GATAD2B: variants seen among roughly 807,000 people sequenced by gnomAD.
GATAD2B encodes the protein GATA zinc finger domain containing 2B.
GATAD2B carries 8 observed loss-of-function variants against 64.3 expected under a neutral mutation model. That is an observed-to-expected ratio of 0.12 (90% CI 0.07 to 0.22). The LOEUF (loss-of-function observed/expected upper bound fraction) is 0.22, where lower values mean the gene tolerates loss of function less well. GATAD2B is among the 10% of genes least tolerant of loss of function. The pLI, the probability that GATAD2B is intolerant of heterozygous loss-of-function variation, is 1.00. For synonymous variants in GATAD2B, 281 were observed against 271.3 expected, an observed-to-expected ratio of 1.04 and a Z score of -0.35; for missense variants, 453 against 752.0, an observed-to-expected ratio of 0.60 and a Z score of 4.65.
intron 1 of GATAD2B, among the ~76,000 whole-genome samples, chr1:153,864,975 C>T (rs1676426613): frequency 6.6e-6 from 1 of 152,164 alleles, no homozygotes; most frequent in Non-Finnish European, 1.5e-5. Flanking sequence ...GAGGCTGTGA[C>T]AGGAGAATTG....
intron 1 of GATAD2B, among the ~76,000 whole-genome samples, chr1:153,878,630 T>C (rs12041920): frequency 0.29 from 44,102 of 151,956 alleles, 6,647 homozygotes; most frequent in Admixed American, 0.39. Context: ...TGCAACCTGA[T>C]AAAAACTCTT....
chr1:153,913,845 G>C (rs537304615), intron 1 of GATAD2B, among the ~76,000 whole-genome samples: 6 of 151,768 alleles, frequency 4.0e-5, no homozygotes, highest in African/African-American at 1.5e-4. Flanking sequence ...GCGTGAACCC[G>C]GGAGGCAGAG....
At chr1:153,887,008 G>A (rs937025012) in intron 1 of GATAD2B, among the ~76,000 whole-genome samples, 3 of 152,060 alleles carry the variant, frequency 2.0e-5, no homozygotes, top group South Asian at 2.1e-4. Context: ...TTATAGTCCT[G>A]TCTGCTTTGA....
chr1:153,897,997 A>C (rs537277505), intron 1 of GATAD2B, among the ~76,000 whole-genome samples: 17 of 137,364 alleles, frequency 1.2e-4, no homozygotes, highest in South Asian at 4.8e-4. Context: ...AAACAGAAAA[A>C]AAAAAACAAA....
At chr1:153,860,846 C>G (rs1279924130) in intron 1 of GATAD2B, among the ~76,000 whole-genome samples, 1 of 152,080 alleles carries the variant, frequency 6.6e-6, no homozygotes, top group East Asian at 1.9e-4. Flanking sequence ...AGAGACAGGT[C>G]TTGCTATGTT....
rs186585859 is a variant in GATAD2B at position 153,837,522 on chromosome 1, T to G, written c.-1-9174A>C. On this transcript the variant is annotated intron_variant, in intron 1 of 10. Coordinates refer to ENST00000368655, the MANE Select transcript of GATAD2B (RefSeq NM_020699.4). ...GGTGATGGTTGCAAAACAATGTGAA[T>G]GTACTTAAATCCACTGAATTATATA... 5.3e-5 allele frequency among the ~76,000 whole-genome samples: 8 copies of G among 152,240 alleles called. No homozygotes were observed. The East Asian group carries it at 1.5e-3, about 29-fold the overall frequency.
chr1:153,892,405 T>C (rs964450229), intron 1 of GATAD2B, among the ~76,000 whole-genome samples: 6 of 152,122 alleles, frequency 3.9e-5, no homozygotes, highest in African/African-American at 1.2e-4. Flanking sequence ...TCCCTCCTAT[T>C]GAATCCAAGG....
intron 1 of GATAD2B, among the ~76,000 whole-genome samples, chr1:153,909,881 G>C (rs1009265604): frequency 5.6e-4 from 84 of 150,848 alleles, no homozygotes; most frequent in Admixed American, 1.7e-3. Context: ...CTGGGAGGCA[G>C]AGGTTGCAGT....
intron 1 of GATAD2B, among the ~76,000 whole-genome samples, chr1:153,865,771 T>C (rs2101925164): frequency 6.6e-6 from 1 of 152,272 alleles, no homozygotes; most frequent in Admixed American, 6.5e-5. Context: ...ATTTTGCTCT[T>C]TAGAGAAACA....
chr1:153,814,687 T>C (rs191470515), intron 7 of GATAD2B, among the ~76,000 whole-genome samples: 1 of 152,088 alleles, frequency 6.6e-6, no homozygotes, highest in African/African-American at 2.4e-5. Flanking sequence ...GACAAAAGAA[T>C]TGCTTGCGCC....
rs1674223888 is a variant in GATAD2B, at chr1:153,809,620, CT to C, written c.*556del. 1 of 151,682 alleles carries C rather than the reference CT, an allele frequency of 6.6e-6. No homozygotes were observed. The highest frequency in any genetic ancestry group is 2.1e-4 in the South Asian group (1 of 4,784). 9.4% of individuals were successfully genotyped at this position (151,682 alleles called of 1,614,324 possible). A position where few individuals can be genotyped will look rare whatever the true frequency, so the allele number is the denominator to read the frequency against. On this transcript the variant is annotated 3_prime_UTR_variant, in exon 11 of 11. Transcript: ENST00000368655. ...TTAAGTGCATTCAAAACTTCTGCCCCTAACACTCCTAGTCATGTCCTACTTG... is the reference window on the plus strand; with the variant it reads ...TTAAGTGCATTCAAAACTTCTGCCCCAACACTCCTAGTCATGTCCTACTTG...
chr1:153,848,872 G>A (rs1486271981), intron 1 of GATAD2B, among the ~76,000 whole-genome samples: 1 of 152,142 alleles, frequency 6.6e-6, no homozygotes, highest in Non-Finnish European at 1.5e-5. Context: ...AGAACTGCTT[G>A]AACCCGGGAG....
intron 2 of GATAD2B, among the ~76,000 whole-genome samples, chr1:153,827,146 T>G (rs1423510701): frequency 2.5e-4 from 20 of 80,748 alleles, no homozygotes; most frequent in South Asian, 4.3e-4. Flanking sequence ...TCAAGGGGGG[T>G]GGGGTGTGGG....
chr1:153,895,564 A>G (rs1415973487), intron 1 of GATAD2B, among the ~76,000 whole-genome samples: 1 of 151,976 alleles, frequency 6.6e-6, no homozygotes, highest in East Asian at 1.9e-4. Flanking sequence ...TGGGCAACAG[A>G]GTGAGACCCC....
rs767666551 is a variant in GATAD2B, at chr1:153,812,097, G to A, written c.1455C>T (p.Leu485=). ...IEQRLQQQAA[L]SPTTAPAVSS... ...ACACAGCTGGAGCCGTAGTGGGGGA[G>A]AGGGCTGCCTGCTGCTGTAATCGCT... Residue 485 remains leucine (L), a synonymous_variant, in exon 9 of 11, where the codon CTC becomes CTT. Transcript: ENST00000368655. 42 of 1,612,502 alleles carry A rather than the reference G, an allele frequency of 2.6e-5. No homozygotes were observed. In the Admixed American group the frequency reaches 5.5e-4, roughly 21 times the overall value.
At chr1:153,890,649 T>G (rs545415590) in intron 1 of GATAD2B, 1 of 152,198 alleles carries the variant, frequency 6.6e-6, no homozygotes, top group Admixed American at 6.6e-5. Flanking sequence ...AGGCTCCAAC[T>G]TATTTAAAGT....
intron 1 of GATAD2B, among the ~76,000 whole-genome samples, chr1:153,903,314 T>C (rs1448382711): frequency 6.6e-6 from 1 of 151,966 alleles, no homozygotes; most frequent in Non-Finnish European, 1.5e-5. Flanking sequence ...TTAACTATCA[T>C]TTTTCGAGAC....
chr1:153,879,557 A>C (rs1193535052), intron 1 of GATAD2B, among the ~76,000 whole-genome samples: 1 of 151,902 alleles, frequency 6.6e-6, no homozygotes, highest in African/African-American at 2.4e-5. Flanking sequence ...AGGTCAAGAG[A>C]TCGAGACCAT....
At chr1:153,812,927 A>G (rs1287704857) in intron 8 of GATAD2B, among the ~76,000 whole-genome samples, 1 of 152,230 alleles carries the variant, frequency 6.6e-6, no homozygotes, top group Non-Finnish European at 1.5e-5. Context: ...ACTGTTTCAA[A>G]GAGATTTATA....
Sources: gnomAD v4.1 joint callset for allele counts (sites outside exome capture counted in the v4.1 genomes callset) on GRCh38, gnomAD v4.1.1 for gene constraint, MANE v1.5 for transcripts, NCBI Gene and HGNC (gene_info 2026-07-23, HGNC 2026-07-21) for gene names.